Variants in LEKR1 observed in about 807,000 individuals in gnomAD.
The protein encoded by LEKR1 is protein LEKR1.
A neutral mutation model predicts 72.4 loss-of-function variants in LEKR1; 59 were observed. The ratio of observed to expected loss-of-function variants is 0.82; its 90% confidence interval spans 0.66 to 1.01. The LOEUF is 1.01. Ranked by LOEUF, LEKR1 falls within the 50% of genes least tolerant of loss-of-function variation. The pLI, the probability that LEKR1 is intolerant of heterozygous loss-of-function variation, is 0.00. For missense variants in LEKR1, 728 were observed against 759.2 expected (o/e 0.96, Z 0.48); for synonymous variants, 257 against 263.2 (o/e 0.98, Z 0.23).
chr3:156,886,132 C>T (rs1720036857), intron 3 of LEKR1, among the ~76,000 whole-genome samples: 1 of 152,004 alleles, frequency 6.6e-6, no homozygotes, highest in African/African-American at 2.4e-5. Flanking sequence ...AGGCTTGCTG[C>T]AACCACTGTG....
At chr3:156,978,703 G>T (rs1401218299) in intron 6 of LEKR1, among the ~76,000 whole-genome samples, 1 of 152,078 alleles carries the variant, frequency 6.6e-6, no homozygotes, top group African/African-American at 2.4e-5. Flanking sequence ...TCACTAAAAT[G>T]CCTTTTAGAT....
chr3:156,933,727 CT>C (rs1397705006), intron 5 of LEKR1, among the ~76,000 whole-genome samples: 5 of 152,108 alleles, frequency 3.3e-5, no homozygotes, highest in Admixed American at 3.3e-4. Context: ...TTTCAGGAAA[CT>C]TTTAAGCCAA....
At chr3:156,956,498 A>G (rs1469998947) in intron 6 of LEKR1, among the ~76,000 whole-genome samples, 3 of 152,046 alleles carry the variant, frequency 2.0e-5, no homozygotes, top group African/African-American at 7.2e-5. Flanking sequence ...ATATTAATGT[A>G]AGCATCATTA....
At chr3:156,980,430 G>A (rs1007965045) in intron 7 of LEKR1, among the ~76,000 whole-genome samples, 10 of 152,166 alleles carry the variant, frequency 6.6e-5, no homozygotes, top group Non-Finnish European at 1.5e-4. Context: ...AGTAAGTATA[G>A]TAGTTCAGGT....
intron 3 of LEKR1, among the ~76,000 whole-genome samples, chr3:156,888,894 A>G (rs1720373460): frequency 6.6e-6 from 1 of 152,232 alleles, no homozygotes; most frequent in East Asian, 1.9e-4. Flanking sequence ...AATGTCTTTG[A>G]AAAATTAACT....
intron 3 of LEKR1, among the ~76,000 whole-genome samples, chr3:156,877,012 C>G (rs1025108894): frequency 3.3e-5 from 5 of 152,110 alleles, no homozygotes; most frequent in African/African-American, 1.2e-4. Flanking sequence ...GCCAATTTTG[C>G]TGAGAATTTT....
intron 2 of LEKR1, among the ~76,000 whole-genome samples, chr3:156,832,513 C>G (rs1712553565): frequency 6.6e-6 from 1 of 152,158 alleles, no homozygotes; most frequent in Admixed American, 6.5e-5. Context: ...TAAAATGCAG[C>G]AAGAATAGTT....
At chr3:156,926,699 A>G (rs934590667) in intron 4 of LEKR1, among the ~76,000 whole-genome samples, 1 of 151,990 alleles carries the variant, frequency 6.6e-6, no homozygotes, top group African/African-American at 2.4e-5. Context: ...TTTGTTGAGC[A>G]CATATTATGC....
Position 156,966,610 on chromosome 3 carries a change from T to A in LEKR1, c.746-12584T>A, listed in dbSNP as rs562491457. On this transcript the variant is annotated intron_variant, in intron 6 of 12. Coordinates refer to ENST00000356539, the MANE Select transcript of LEKR1 (RefSeq NM_001004316.3). ...GTGCCTGCCATTGCCGAGGCTTGAG[T>A]AGGTAAACAAAGCAGCCAGGAAGCT... Among the ~76,000 whole-genome samples, 96 of 151,910 alleles carry A rather than the reference T, an allele frequency of 6.3e-4. 1 individual carries two copies. The South Asian group carries it at 0.019, about 31-fold the overall frequency.
chr3:156,858,498 C>T (rs559934445), intron 3 of LEKR1, among the ~76,000 whole-genome samples: 1 of 151,864 alleles, frequency 6.6e-6, no homozygotes, highest in African/African-American at 2.4e-5. Flanking sequence ...CATGGTGAAA[C>T]CCCGTTCTCT....
At chr3:156,830,181 C>T (rs943175930) in intron 2 of LEKR1, among the ~76,000 whole-genome samples, 2 of 152,174 alleles carry the variant, frequency 1.3e-5, no homozygotes, top group African/African-American at 2.4e-5. Context: ...CCTCCTGTTG[C>T]TTTTGCAGTG....
intron 3 of LEKR1, among the ~76,000 whole-genome samples, chr3:156,880,237 T>A (rs1459450759): frequency 6.6e-6 from 1 of 152,208 alleles, no homozygotes; most frequent in Admixed American, 6.5e-5. Flanking sequence ...GGAGCCTACC[T>A]CTTGCATCAG....
chr3:156,984,378 T>C (rs1309766214), intron 7 of LEKR1, among the ~76,000 whole-genome samples: 1 of 152,212 alleles, frequency 6.6e-6, no homozygotes, highest in Non-Finnish European at 1.5e-5. Flanking sequence ...TAAGTGATTA[T>C]GTAAAATATG....
intron 6 of LEKR1, among the ~76,000 whole-genome samples, chr3:156,977,008 C>T (rs763620537): frequency 1.3e-5 from 2 of 152,214 alleles, no homozygotes; most frequent in African/African-American, 2.4e-5. Flanking sequence ...TCACAGTAAA[C>T]AAGTGGAGTT....
intron 3 of LEKR1, among the ~76,000 whole-genome samples, chr3:156,864,036 G>T (rs935389978): frequency 6.6e-6 from 1 of 152,050 alleles, no homozygotes; most frequent in Non-Finnish European, 1.5e-5. Context: ...CTAAAGTGAA[G>T]ATGTAGTGAG....
At chr3:157,014,896 A>T (rs9867766) in intron 10 of LEKR1, among the ~76,000 whole-genome samples, 92,668 of 152,048 alleles carry the variant, frequency 0.61, 29,217 homozygotes, top group South Asian at 0.8. Flanking sequence ...ATAAGCTGAG[A>T]ATCCACCTCC....
At chr3:156,868,633 G>C (rs1398967084) in intron 3 of LEKR1, among the ~76,000 whole-genome samples, 1 of 152,026 alleles carries the variant, frequency 6.6e-6, no homozygotes, top group East Asian at 1.9e-4. Flanking sequence ...CACGGTATTT[G>C]TGGTATCCAT....
intron 4 of LEKR1, among the ~76,000 whole-genome samples, chr3:156,926,862 CTA>C (rs994429923): frequency 3.9e-5 from 6 of 151,986 alleles, no homozygotes; most frequent in African/African-American, 1.2e-4. Flanking sequence ...GCTCTCAAAT[CTA>C]TGTCTGTATT....
At chr3:156,975,060 C>T (rs1392415076) in intron 6 of LEKR1, among the ~76,000 whole-genome samples, 2 of 152,126 alleles carry the variant, frequency 1.3e-5, no homozygotes, top group Non-Finnish European at 2.9e-5. Flanking sequence ...TCTTTACATA[C>T]ATTAAGTAAT....
Sources: gnomAD v4.1 joint callset for allele counts (sites outside exome capture counted in the v4.1 genomes callset) on GRCh38, gnomAD v4.1.1 for gene constraint, MANE v1.5 for transcripts, NCBI Gene and HGNC (gene_info 2026-07-23, HGNC 2026-07-21) for gene names.